PGCKA1: variants seen among roughly 807,000 people sequenced by gnomAD.
PGCKA1 encodes the protein PDCD10 and GCKIII kinases associated 1, also known as PDCD10 and GCKIII kinases-associated protein 1.
chr4:37,472,789 A>G, the PGCKA1 span, among the ~76,000 whole-genome samples: 4 of 152,092 alleles, frequency 2.6e-5, no homozygotes, highest in East Asian at 5.8e-4. Context: ...TCCTACTTCT[A>G]TGACCAGTCC....
the PGCKA1 span, among the ~76,000 whole-genome samples, chr4:37,560,637 C>T: frequency 2.6e-4 from 30 of 117,134 alleles, no homozygotes; most frequent in Non-Finnish European, 3.4e-4. Flanking sequence ...TCAGCAGACA[C>T]CTTGCCCCTA....
chr4:37,584,902 C>A, the PGCKA1 span, among the ~76,000 whole-genome samples: 1 of 151,734 alleles, frequency 6.6e-6, no homozygotes, highest in Admixed American at 6.6e-5. Context: ...TGAGATGTTT[C>A]AATGAGTAAT....
At chr4:37,588,780 G>A in the PGCKA1 span, 2 of 1,199,184 alleles carry the variant, frequency 1.7e-6, no homozygotes, top group Admixed American at 1.8e-5. Context: ...GAAAAAAAAA[G>A]GCAAACTTAA....
the PGCKA1 span, among the ~76,000 whole-genome samples, chr4:37,532,892 A>G: frequency 8.8e-6 from 1 of 113,050 alleles, no homozygotes; most frequent in African/African-American, 3.0e-5. Flanking sequence ...GCATTTTTGT[A>G]GTGTGTGTAT....
At chr4:37,570,146 A>ATTTTTTTTTTTTTT in the PGCKA1 span, among the ~76,000 whole-genome samples, 25 of 78,932 alleles carry the variant, frequency 3.2e-4, no homozygotes, top group African/African-American at 7.3e-4. Context: ...CGCCTGGCTA[A>ATTTTTTTTTTTTTT]TTTTTTTTTT....
the PGCKA1 span, among the ~76,000 whole-genome samples, chr4:37,513,853 G>C: frequency 6.6e-6 from 1 of 152,182 alleles, no homozygotes; most frequent in South Asian, 2.1e-4. Context: ...AGGATGGAGG[G>C]AGATGGGAGA....
the PGCKA1 span, among the ~76,000 whole-genome samples, chr4:37,531,978 G>C: frequency 6.6e-6 from 1 of 151,882 alleles, no homozygotes; most frequent in Admixed American, 6.6e-5. Context: ...CCATGCTTTG[G>C]AGGTAATTGA....
At chr4:37,526,000 AC>A in the PGCKA1 span, among the ~76,000 whole-genome samples, 1 of 152,170 alleles carries the variant, frequency 6.6e-6, no homozygotes. Context: ...ATTTCTGACT[AC>A]CCCAAGGGTT....
the PGCKA1 span, among the ~76,000 whole-genome samples, chr4:37,570,748 C>G: frequency 6.6e-6 from 1 of 152,230 alleles, no homozygotes; most frequent in South Asian, 2.1e-4. Context: ...TCCAAATACT[C>G]CAACTTCTAT....
the PGCKA1 span, among the ~76,000 whole-genome samples, chr4:37,533,466 G>A: frequency 6.6e-6 from 1 of 152,172 alleles, no homozygotes; most frequent in Non-Finnish European, 1.5e-5. Flanking sequence ...ATTGGTTTTG[G>A]ATCGTTTCCA....
chr4:37,489,874 A>G, the PGCKA1 span, among the ~76,000 whole-genome samples: 9 of 152,166 alleles, frequency 5.9e-5, no homozygotes, highest in Non-Finnish European at 1.3e-4. Context: ...AATGAATGTA[A>G]CCTGAGATTG....
chr4:37,583,672 CG>C, the PGCKA1 span, among the ~76,000 whole-genome samples: 1 of 152,204 alleles, frequency 6.6e-6, no homozygotes, highest in African/African-American at 2.4e-5. Context: ...CTCCTGACCT[CG>C]TGATAGCCTG....
At chr4:37,504,101 C>A in the PGCKA1 span, among the ~76,000 whole-genome samples, 1 of 152,130 alleles carries the variant, frequency 6.6e-6, no homozygotes, top group Non-Finnish European at 1.5e-5. Context: ...AGGCTTTGAT[C>A]CATTTTGATT....
the PGCKA1 span, among the ~76,000 whole-genome samples, chr4:37,521,488 T>G: frequency 6.6e-6 from 1 of 152,260 alleles, no homozygotes; most frequent in African/African-American, 2.4e-5. Context: ...TGTATCTGTA[T>G]AGTTTCCAAA....
chr4:37,531,121 T>C, the PGCKA1 span, among the ~76,000 whole-genome samples: 12,407 of 152,306 alleles, frequency 0.081, 649 homozygotes, highest in Middle Eastern at 0.14. Context: ...CATTGAATTA[T>C]TGACATCTAC....
the PGCKA1 span, among the ~76,000 whole-genome samples, chr4:37,554,466 G>A: frequency 1.3e-5 from 2 of 152,132 alleles, no homozygotes; most frequent in Admixed American, 6.5e-5. Flanking sequence ...CTGCTCCTCA[G>A]CCTCCTGAGT....
chr4:37,506,716 G>A, the PGCKA1 span, among the ~76,000 whole-genome samples: 1 of 152,018 alleles, frequency 6.6e-6, no homozygotes, highest in East Asian at 1.9e-4. Context: ...TTATCCTTGA[G>A]AATGATCCTT....
At chr4:37,455,009 G>A in the PGCKA1 span, among the ~76,000 whole-genome samples, 1 of 152,164 alleles carries the variant, frequency 6.6e-6, no homozygotes, top group Non-Finnish European at 1.5e-5. Flanking sequence ...CTATTTATGG[G>A]AAAGAATTAC....
the PGCKA1 span, among the ~76,000 whole-genome samples, chr4:37,540,689 G>A: frequency 2.0e-5 from 3 of 152,040 alleles, no homozygotes; most frequent in Admixed American, 6.5e-5. Flanking sequence ...CAGCTGAATC[G>A]TATCCAAGGA....
Sources: gnomAD v4.1 joint callset for allele counts (sites outside exome capture counted in the v4.1 genomes callset) on GRCh38, gnomAD v4.1.1 for gene constraint, MANE v1.5 for transcripts, NCBI Gene and HGNC (gene_info 2026-07-23, HGNC 2026-07-21) for gene names.